Variants in UBASH3B observed in about 807,000 individuals in gnomAD.
UBASH3B encodes ubiquitin associated and SH3 domain containing B.
Under a neutral mutation model 83.4 loss-of-function variants are expected in UBASH3B, and 37 were observed. The observed-to-expected ratio is 0.44, with a 90% CI of 0.34 to 0.58. The LOEUF is 0.58. Ranked by LOEUF, UBASH3B falls within the 20% of genes least tolerant of loss-of-function variation. UBASH3B has a pLI of 0.01. For missense variants in UBASH3B, 657 were observed against 827.2 expected (o/e 0.79, Z 2.52); for synonymous variants, 304 against 318.3 (o/e 0.96, Z 0.48).
At chr11:122,712,895 G>GTTTTTT (rs1864214626) in intron 1 of UBASH3B, among the ~76,000 whole-genome samples, 1 of 95,184 alleles carries the variant, frequency 1.1e-5, no homozygotes, top group African/African-American at 3.8e-5. Flanking sequence ...TTCTCTGGGT[G>GTTTTTT]GTTTTTTTTT....
rs571949636 is a variant in UBASH3B, at chr11:122,690,154, C to T, written c.161+33944C>T. Among the ~76,000 whole-genome samples, 5 of 106,810 alleles carry T rather than the reference C, an allele frequency of 4.7e-5. No homozygotes were observed. The South Asian group carries it at 9.1e-4, about 19-fold the overall frequency. The allele number at this position is 106,810 out of a possible 152,430, so 70.1% of individuals were successfully genotyped here. Reference sequence around the variant, plus strand: ...GATTCTGTTTCCTGAGGCCTGCTCCCGAGGCAGGAAAACATATATATATAT... The same window carrying T: ...GATTCTGTTTCCTGAGGCCTGCTCCTGAGGCAGGAAAACATATATATATAT... On this transcript the variant is annotated intron_variant, in intron 1 of 13. Transcript: ENST00000284273.
chr11:122,791,187 C>G (rs1020570314), intron 6 of UBASH3B, among the ~76,000 whole-genome samples: 1 of 152,162 alleles, frequency 6.6e-6, no homozygotes, highest in Non-Finnish European at 1.5e-5. Flanking sequence ...CACAGCCAAC[C>G]CTGCTCAAAG....
intron 1 of UBASH3B, among the ~76,000 whole-genome samples, chr11:122,767,132 G>T (rs940752943): frequency 6.6e-6 from 1 of 151,992 alleles, no homozygotes; most frequent in Admixed American, 6.5e-5. Flanking sequence ...ACAAAAATTA[G>T]CTGGGCATAG....
At chr11:122,804,913 C>T (rs1039793826) in intron 11 of UBASH3B, among the ~76,000 whole-genome samples, 1 of 152,154 alleles carries the variant, frequency 6.6e-6, no homozygotes, top group Non-Finnish European at 1.5e-5. Flanking sequence ...AGAAACTCTA[C>T]ATAGTTAAGC....
chr11:122,699,030 A>T (rs1464895493), intron 1 of UBASH3B, among the ~76,000 whole-genome samples: 1 of 152,136 alleles, frequency 6.6e-6, no homozygotes, highest in African/African-American at 2.4e-5. Flanking sequence ...TCGTATTTTT[A>T]GTAGAGACGG....
chr11:122,777,254 A>T (rs767696246), intron 3 of UBASH3B, 44 bp downstream of exon 3: 1 of 1,565,246 alleles, frequency 6.4e-7, no homozygotes, highest in East Asian at 2.3e-5. Flanking sequence ...GGCTCCTAGG[A>T]TCCCAGCCGG....
intron 4 of UBASH3B, 112 bp downstream of exon 4, chr11:122,779,807 C>A: frequency 7.7e-7 from 1 of 1,301,814 alleles, no homozygotes; most frequent in Non-Finnish European, 1.1e-6. Context: ...AGGTGGAGGA[C>A]CCTGCAGGAA....
intron 1 of UBASH3B, among the ~76,000 whole-genome samples, chr11:122,767,338 T>TCC (rs1464514111): frequency 1.9e-5 from 2 of 106,368 alleles, no homozygotes; most frequent in Non-Finnish European, 4.0e-5. Flanking sequence ...AGATGGAGTC[T>TCC]CTCTCTCTGT....
chr11:122,682,153 A>G (rs562738680), intron 1 of UBASH3B, among the ~76,000 whole-genome samples: 1 of 152,222 alleles, frequency 6.6e-6, no homozygotes, highest in East Asian at 1.9e-4. Flanking sequence ...TACCCTGCCA[A>G]CCCTGCCGAC....
intron 1 of UBASH3B, among the ~76,000 whole-genome samples, chr11:122,707,928 C>T (rs1864144790): frequency 6.6e-6 from 1 of 152,188 alleles, no homozygotes. Context: ...CTCCTGACCT[C>T]AGGCGATCCA....
intron 1 of UBASH3B, among the ~76,000 whole-genome samples, chr11:122,757,384 G>A (rs1465316830): frequency 8.5e-5 from 13 of 152,328 alleles, no homozygotes; most frequent in African/African-American, 3.1e-4. Flanking sequence ...CCAGAGCTCA[G>A]TCATGCTGGC....
At chr11:122,772,422 GAGA>G (rs1860661062) in intron 1 of UBASH3B, among the ~76,000 whole-genome samples, 1 of 151,946 alleles carries the variant, frequency 6.6e-6, no homozygotes, top group Non-Finnish European at 1.5e-5. Flanking sequence ...CGTTCCTTAG[GAGA>G]AGAAGAAAAA....
chr11:122,695,770 G>T (rs1005596595), intron 1 of UBASH3B, among the ~76,000 whole-genome samples: 2 of 152,072 alleles, frequency 1.3e-5, no homozygotes, highest in Non-Finnish European at 2.9e-5. Flanking sequence ...GAACTGCCTT[G>T]CAGCATTTTT....
intron 3 of UBASH3B, among the ~76,000 whole-genome samples, chr11:122,779,119 G>A (rs1285289910): frequency 6.6e-6 from 1 of 152,146 alleles, no homozygotes; most frequent in Non-Finnish European, 1.5e-5. Flanking sequence ...TCACTGTGCT[G>A]TACAATAGGT....
intron 1 of UBASH3B, among the ~76,000 whole-genome samples, chr11:122,711,017 C>G (rs7930792): frequency 0.29 from 44,677 of 152,104 alleles, 7,513 homozygotes; most frequent in East Asian, 0.68. Context: ...AAGGTCCCAG[C>G]AAAGTCAATG....
intron 5 of UBASH3B, among the ~76,000 whole-genome samples, chr11:122,787,957 A>T (rs1359072305): frequency 6.6e-6 from 1 of 152,220 alleles, no homozygotes; most frequent in African/African-American, 2.4e-5. Context: ...TTTCCTTACT[A>T]TTGAGGTCTC....
intron 1 of UBASH3B, among the ~76,000 whole-genome samples, chr11:122,753,136 G>GAA (rs772136809): frequency 1.3e-4 from 17 of 134,052 alleles, no homozygotes; most frequent in Non-Finnish European, 1.8e-4. Flanking sequence ...ATGAACACTA[G>GAA]AAAAAAAAAA....
intron 1 of UBASH3B, among the ~76,000 whole-genome samples, chr11:122,667,320 A>G (rs1863533102): frequency 6.6e-6 from 1 of 152,122 alleles, no homozygotes; most frequent in Non-Finnish European, 1.5e-5. Flanking sequence ...TGTTGGGATT[A>G]CAGATGTGAG....
intron 1 of UBASH3B, among the ~76,000 whole-genome samples, chr11:122,760,923 G>T (rs1056143256): frequency 1.1e-4 from 17 of 152,160 alleles, no homozygotes; most frequent in African/African-American, 4.1e-4. Context: ...TTTATACCAT[G>T]AACCCCAAGA....
Sources: gnomAD v4.1 joint callset for allele counts (sites outside exome capture counted in the v4.1 genomes callset) on GRCh38, gnomAD v4.1.1 for gene constraint, MANE v1.5 for transcripts, NCBI Gene and HGNC (gene_info 2026-07-23, HGNC 2026-07-21) for gene names.